The following KCNIP4 variants were observed in gnomAD, a reference collection of about 807,000 sequenced individuals.
KCNIP4 encodes the protein potassium voltage-gated channel interacting protein 4.
Under a neutral mutation model 34.0 loss-of-function variants are expected in KCNIP4, and 12 were observed. That is an observed-to-expected ratio of 0.35 (90% CI 0.23 to 0.57). The LOEUF is 0.57. Ranked by LOEUF, KCNIP4 falls within the 20% of genes least tolerant of loss-of-function variation. The probability of loss-of-function intolerance (pLI) is 0.83; values close to 1 mark genes in which losing one functional copy is unlikely to be tolerated. For synonymous variants in KCNIP4, 124 were observed against 102.2 expected (o/e 1.21, Z -1.29); for missense variants, 238 against 311.7 (o/e 0.76, Z 1.78).
chr4:21,669,651 C>A (rs1414447245), intron 1 of KCNIP4, among the ~76,000 whole-genome samples: 1 of 152,118 alleles, frequency 6.6e-6, no homozygotes, highest in East Asian at 1.9e-4. Flanking sequence ...ATTTATAGAG[C>A]AGATAATGCA....
intron 1 of KCNIP4, among the ~76,000 whole-genome samples, chr4:21,020,240 C>T (rs1281700690): frequency 6.6e-6 from 1 of 152,076 alleles, no homozygotes; most frequent in Non-Finnish European, 1.5e-5. Context: ...TATTTTCTAC[C>T]ATATTATCTA....
rs144193812 is a variant in KCNIP4 at position 21,352,676 on chromosome 4, T to A, written c.62-469967A>T. Among the ~76,000 whole-genome samples, 517 of 152,346 alleles carry A rather than the reference T, an allele frequency of 3.4e-3. 3 individuals are homozygous for A. The highest frequency in any genetic ancestry group is 0.011 in the African/African-American group (477 of 41,596). Reference sequence around the variant, plus strand: ...AGCTCAGCAAGGCCTGCTGCCTCTATAGATTCCACCTCTGTGGACAGGGCA... The same window carrying A: ...AGCTCAGCAAGGCCTGCTGCCTCTAAAGATTCCACCTCTGTGGACAGGGCA... On this transcript the variant is annotated intron_variant, in intron 1 of 8. Coordinates refer to ENST00000382152, the MANE Select transcript of KCNIP4 (RefSeq NM_025221.6).
intron 1 of KCNIP4, among the ~76,000 whole-genome samples, chr4:20,997,456 A>G (rs182773697): frequency 6.6e-6 from 1 of 152,306 alleles, no homozygotes; most frequent in Admixed American, 6.5e-5. Context: ...AACATGTTGG[A>G]CGTATTCTTC....
intron 1 of KCNIP4, among the ~76,000 whole-genome samples, chr4:21,150,273 G>A (rs1412556466): frequency 1.3e-5 from 2 of 151,566 alleles, no homozygotes; most frequent in African/African-American, 4.9e-5. Flanking sequence ...AAGGATAATG[G>A]GAGTGTTAAT....
intron 1 of KCNIP4, among the ~76,000 whole-genome samples, chr4:21,391,281 G>T (rs1284594696): frequency 6.6e-6 from 1 of 151,990 alleles, no homozygotes; most frequent in Non-Finnish European, 1.5e-5. Context: ...AAATAGTATT[G>T]TAATTTCCAT....
intron 1 of KCNIP4, among the ~76,000 whole-genome samples, chr4:21,910,981 C>T (rs769908523): frequency 6.6e-6 from 1 of 152,042 alleles, no homozygotes; most frequent in African/African-American, 2.4e-5. Context: ...AATAGCTATT[C>T]CAAATAAAAG....
intron 1 of KCNIP4, among the ~76,000 whole-genome samples, chr4:21,036,446 C>T (rs1327396425): frequency 6.6e-6 from 1 of 152,216 alleles, no homozygotes. Context: ...TGAATACCAA[C>T]TTCTTACACA....
Position 20,997,181 on chromosome 4 carries a change from C to T in KCNIP4, c.62-114472G>A, listed in dbSNP as rs11946834. 7.4e-3 allele frequency among the ~76,000 whole-genome samples: 1,127 copies of T among 152,228 alleles called. 15 individuals carry two copies. Among genetic ancestry groups the T allele is most frequent in the African/African-American group, 0.026 (1,063 of 41,540 alleles). ...GATCATGGCAGTATCTGGTCCGTTT[C>T]ATCTGGTAATAGCGCAAATAAAAGC... is the stretch of plus-strand genomic sequence containing the variant. On this transcript the variant is annotated intron_variant, in intron 1 of 8. Coordinates refer to ENST00000382152, the MANE Select transcript of KCNIP4 (RefSeq NM_025221.6).
chr4:21,505,076 A>G (rs1733721085), intron 1 of KCNIP4, among the ~76,000 whole-genome samples: 1 of 152,216 alleles, frequency 6.6e-6, no homozygotes, highest in South Asian at 2.1e-4. Context: ...TGATGGTATC[A>G]TATAGCCTCC....
At chr4:20,934,269 C>T (rs1340230555) in intron 1 of KCNIP4, among the ~76,000 whole-genome samples, 1 of 152,112 alleles carries the variant, frequency 6.6e-6, no homozygotes, top group Non-Finnish European at 1.5e-5. Flanking sequence ...TATATTTTAT[C>T]AAAACAAAAC....
intron 3 of KCNIP4, among the ~76,000 whole-genome samples, chr4:20,803,665 G>GAGAAAGAA (rs1163676812): frequency 7.3e-6 from 1 of 137,342 alleles, no homozygotes; most frequent in Non-Finnish European, 1.5e-5. Context: ...CTCAATGAAA[G>GAGAAAGAA]AGAAAGAAAG....
intron 1 of KCNIP4, among the ~76,000 whole-genome samples, chr4:21,627,375 T>C (rs1352128458): frequency 6.6e-6 from 1 of 152,152 alleles, no homozygotes; most frequent in East Asian, 1.9e-4. Flanking sequence ...CGATCTGTCT[T>C]TCCCATGCAC....
chr4:21,567,969 A>T (rs765223345), intron 1 of KCNIP4, among the ~76,000 whole-genome samples: 18 of 152,130 alleles, frequency 1.2e-4, no homozygotes, highest in Admixed American at 4.6e-4. Flanking sequence ...TAAGTAGCAT[A>T]TATTTATGGC....
intron 1 of KCNIP4, among the ~76,000 whole-genome samples, chr4:21,056,494 G>T (rs1349401956): frequency 6.6e-6 from 1 of 152,098 alleles, no homozygotes; most frequent in Non-Finnish European, 1.5e-5. Context: ...TGTTGCTGTT[G>T]TTATTTTCAC....
At chr4:20,994,083 T>C (rs1285925654) in intron 1 of KCNIP4, among the ~76,000 whole-genome samples, 1 of 152,206 alleles carries the variant, frequency 6.6e-6, no homozygotes, top group Non-Finnish European at 1.5e-5. Flanking sequence ...ACCATACAAT[T>C]CTTATTTTAA....
At chr4:21,483,052 G>T (rs1731575673) in intron 1 of KCNIP4, among the ~76,000 whole-genome samples, 1 of 141,616 alleles carries the variant, frequency 7.1e-6, no homozygotes, top group Non-Finnish European at 1.5e-5. Context: ...CACAGGAAGG[G>T]GAACATCACA....
At position 21,370,824 on chromosome 4, in the gene KCNIP4, TATATATATATATATATATATATATATAC is replaced by T. The variant is rs1231115030; in HGVS notation, c.62-488143_62-488116del. ...AAATATATATATATATATATATATATATATATATATATATATATATATATATACACACACACACACACACACACACACA... is the reference window on the plus strand; with the variant it reads ...AAATATATATATATATATATATATATACACACACACACACACACACACACA... On this transcript the variant is annotated intron_variant, in intron 1 of 8. Transcript: ENST00000382152. Among the ~76,000 whole-genome samples, 247 of 31,006 alleles carry T rather than the reference TATATATATATATATATATATATATATAC, an allele frequency of 8.0e-3. 32 individuals carry two copies. Among genetic ancestry groups the T allele is most frequent in the African/African-American group, 0.037 (200 of 5,350 alleles). 20.3% of individuals were successfully genotyped at this position (31,006 alleles called of 152,430 possible). A position where few individuals can be genotyped will look rare whatever the true frequency, so the allele number is the denominator to read the frequency against.
intron 1 of KCNIP4, among the ~76,000 whole-genome samples, chr4:21,232,355 T>G (rs930150638): frequency 1.3e-5 from 2 of 152,126 alleles, no homozygotes; most frequent in African/African-American, 4.8e-5. Context: ...TAGTTCTTTA[T>G]CAATGACCAT....
At chr4:21,830,003 T>C (rs1722884683) in intron 1 of KCNIP4, among the ~76,000 whole-genome samples, 1 of 152,132 alleles carries the variant, frequency 6.6e-6, no homozygotes, top group South Asian at 2.1e-4. Context: ...CTATCAATAA[T>C]TATTTTGAAT....
Sources: allele counts gnomAD v4.1 joint callset (sites outside exome capture counted in the v4.1 genomes callset), GRCh38; gene constraint gnomAD v4.1.1; transcripts MANE v1.5; gene names NCBI Gene and HGNC (gene_info 2026-07-23, HGNC 2026-07-21).